Variants in ZRANB3 observed in about 807,000 individuals in gnomAD.
The protein encoded by ZRANB3 is zinc finger RANBP2-type containing 3.
A neutral mutation model predicts 133.8 loss-of-function variants in ZRANB3; 125 were observed. The observed-to-expected ratio is 0.93, with a 90% CI of 0.81 to 1.08. The LOEUF (loss-of-function observed/expected upper bound fraction) is 1.08. Ranked by LOEUF, ZRANB3 falls within the 50% of genes least tolerant of loss-of-function variation. ZRANB3 has a pLI of 0.00. For missense variants in ZRANB3, 1,229 were observed against 1,275.5 expected (o/e 0.96, Z 0.56); for synonymous variants, 387 against 432.7 (o/e 0.89, Z 1.31).
At chr2:135,207,371 G>A in intron 19 of ZRANB3, 63 bp downstream of exon 19, 1 of 1,485,634 alleles carries the variant, frequency 6.7e-7, no homozygotes, top group South Asian at 1.5e-5. Flanking sequence ...GTACAAAATA[G>A]AGAGTCAATA....
At chr2:135,510,183 C>A (rs762528960) in intron 1 of ZRANB3, among the ~76,000 whole-genome samples, 1 of 152,090 alleles carries the variant, frequency 6.6e-6, no homozygotes, top group South Asian at 2.1e-4. Context: ...ATGAATGAAA[C>A]GTACCAAATG....
chr2:135,405,535 G>A (rs1366000289), intron 2 of ZRANB3, among the ~76,000 whole-genome samples: 1 of 152,080 alleles, frequency 6.6e-6, no homozygotes, highest in Admixed American at 6.6e-5. Flanking sequence ...CAGCACCACA[G>A]CACACGTATT....
intron 2 of ZRANB3, among the ~76,000 whole-genome samples, chr2:135,435,300 A>G (rs985635136): frequency 2.0e-4 from 30 of 152,188 alleles, no homozygotes; most frequent in African/African-American, 7.2e-4. Flanking sequence ...AGCTCCATAC[A>G]TGTTCCTGCA....
In ZRANB3 at chr2:135,455,171, C is replaced by CTTTTTTTTTTTTTTTT. The variant is rs1166170814; in HGVS notation, c.161+49142_161+49157dup. On this transcript the variant is annotated intron_variant, in intron 2 of 20. Transcript: ENST00000264159. ...AATGGGATCACAATGCCTTCTTATA[C>CTTTTTTTTTTTTTTTT]TTTTTTTTTTTTTTTTTTTTTTTTT... Among the ~76,000 whole-genome samples, 5 of 37,594 alleles carry CTTTTTTTTTTTTTTTT rather than the reference C, an allele frequency of 1.3e-4. 1 individual carries two copies. The highest frequency in any genetic ancestry group is 9.7e-5 in the Non-Finnish European group (2 of 20,596). The allele number at this position is 37,594 out of a possible 152,430, so 24.7% of individuals were successfully genotyped here. A position where few individuals can be genotyped will look rare whatever the true frequency, so the allele number is the denominator to read the frequency against.
chr2:135,485,136 A>G (rs1559030484), intron 2 of ZRANB3, among the ~76,000 whole-genome samples: 1 of 150,574 alleles, frequency 6.6e-6, no homozygotes, highest in Non-Finnish European at 1.5e-5. Context: ...CAGAGAAACA[A>G]AACAAAACAA....
chr2:135,325,484 C>A (rs1029277259), intron 6 of ZRANB3, among the ~76,000 whole-genome samples: 1 of 152,072 alleles, frequency 6.6e-6, no homozygotes, highest in African/African-American at 2.4e-5. Flanking sequence ...GCAAGCTCCG[C>A]CTCCCAGGTT....
intron 2 of ZRANB3, among the ~76,000 whole-genome samples, chr2:135,398,512 CTTTT>C (rs1039216226): frequency 1.5e-5 from 2 of 136,076 alleles, no homozygotes; most frequent in African/African-American, 3.2e-5. Context: ...AAAACCATTT[CTTTT>C]GTCACTTTTT....
chr2:135,219,973 G>T (rs1322658171), intron 15 of ZRANB3, among the ~76,000 whole-genome samples: 1 of 152,030 alleles, frequency 6.6e-6, no homozygotes, highest in Non-Finnish European at 1.5e-5. Context: ...CTGGGCCCAG[G>T]TGATCCTCCC....
At chr2:135,346,160 G>A (rs914198828) in intron 5 of ZRANB3, among the ~76,000 whole-genome samples, 1 of 152,192 alleles carries the variant, frequency 6.6e-6, no homozygotes, top group Non-Finnish European at 1.5e-5. Context: ...GCAGTGGCGT[G>A]ATCTTGGCTC....
chr2:135,399,724 T>C (rs1217920749), intron 2 of ZRANB3, among the ~76,000 whole-genome samples: 1 of 152,194 alleles, frequency 6.6e-6, no homozygotes, highest in African/African-American at 2.4e-5. Flanking sequence ...GAGTGCTGTT[T>C]GTAAGGAATG....
At chr2:135,451,328 G>A (rs1475935795) in intron 2 of ZRANB3, among the ~76,000 whole-genome samples, 2 of 152,048 alleles carry the variant, frequency 1.3e-5, no homozygotes, top group Non-Finnish European at 2.9e-5. Flanking sequence ...TTCAGAGGCC[G>A]AGGCAGACAG....
At chr2:135,490,230 A>G (rs1481585823) in intron 2 of ZRANB3, among the ~76,000 whole-genome samples, 2 of 152,220 alleles carry the variant, frequency 1.3e-5, no homozygotes, top group African/African-American at 4.8e-5. Flanking sequence ...ATATTTTTAG[A>G]ATACGAGAGA....
At chr2:135,375,558 A>G (rs1286382872) in intron 3 of ZRANB3, among the ~76,000 whole-genome samples, 8 of 152,108 alleles carry the variant, frequency 5.3e-5, no homozygotes. Flanking sequence ...GGTGGCGGGC[A>G]CCAGTAGTCC....
intron 2 of ZRANB3, among the ~76,000 whole-genome samples, chr2:135,480,770 C>G (rs1275511842): frequency 8.5e-6 from 1 of 117,892 alleles, no homozygotes; most frequent in African/African-American, 3.4e-5. Flanking sequence ...CCCCCTCCCC[C>G]CACCCGACAA....
intron 8 of ZRANB3, among the ~76,000 whole-genome samples, chr2:135,294,831 C>T (rs1681956213): frequency 2.0e-5 from 3 of 152,102 alleles, no homozygotes; most frequent in African/African-American, 7.2e-5. Flanking sequence ...AACACCTTTA[C>T]TTCTGCCTTC....
At chr2:135,416,663 C>G (rs1688588063) in intron 2 of ZRANB3, among the ~76,000 whole-genome samples, 1 of 150,822 alleles carries the variant, frequency 6.6e-6, no homozygotes, top group Non-Finnish European at 1.5e-5. Flanking sequence ...CAATCCTAAG[C>G]CAAAAGAACA....
intron 2 of ZRANB3, among the ~76,000 whole-genome samples, chr2:135,400,496 G>A (rs1574040180): frequency 1.3e-5 from 2 of 152,092 alleles, no homozygotes; most frequent in South Asian, 2.1e-4. Context: ...CAGGCAAGAT[G>A]GGGTTTCACC....
intron 4 of ZRANB3, among the ~76,000 whole-genome samples, chr2:135,351,704 C>A (rs1306103348): frequency 6.6e-6 from 1 of 152,166 alleles, no homozygotes; most frequent in Admixed American, 6.5e-5. Context: ...CCTACCATGT[C>A]TTGACTTGTA....
At position 135,504,436 on chromosome 2, in the gene ZRANB3, C is replaced by T. The variant is rs1160162200; in HGVS notation, c.54G>A (p.Val18=). The change falls in exon 2 of 21, where the codon GTG becomes GTA. Residue 18 remains valine (V), a synonymous_variant. Transcript: ENST00000264159. ...KKSLTPHISC[V]TNESDNLLDF... is the part of the protein sequence containing the mutation. ...CCAGCAGATTATCAGATTCATTTGT[C>T]ACACAAGAAATGTGAGGTGTAAGAG... 1 of 1,613,430 alleles carries T rather than the reference C, an allele frequency of 6.2e-7. No individual in the cohort carries two copies. The highest frequency in any genetic ancestry group is 8.5e-7 in the Non-Finnish European group (1 of 1,179,744).
Sources: gnomAD v4.1 joint callset for allele counts (sites outside exome capture counted in the v4.1 genomes callset) on GRCh38, gnomAD v4.1.1 for gene constraint, MANE v1.5 for transcripts, NCBI Gene and HGNC (gene_info 2026-07-23, HGNC 2026-07-21) for gene names.